The following SACS variants were observed in gnomAD, a reference collection of about 807,000 sequenced individuals.
The protein encoded by SACS is sacsin.
A neutral mutation model predicts 348.0 loss-of-function variants in SACS; 197 were observed. The ratio of observed to expected loss-of-function variants is 0.57; its 90% CI spans 0.50 to 0.64. SACS has a LOEUF of 0.64. SACS is among the 30% of genes least tolerant of loss of function. The pLI, the probability that SACS is intolerant of heterozygous loss-of-function variation, is 0.00. For missense variants in SACS, 4,999 were observed against 5,360.8 expected, an observed-to-expected ratio of 0.93 and a Z score of 2.11; for synonymous variants, 1,985 against 1,910.6, an observed-to-expected ratio of 1.04 and a Z score of -1.02.
At position 23,368,499 on chromosome 13, in the gene SACS, A is replaced by C; in HGVS notation, c.260-12T>G. The C allele has an allele frequency of 6.2e-7, 1 of 1,602,570 alleles. No homozygotes were observed. Among genetic ancestry groups the C allele is most frequent in the Non-Finnish European group, 8.5e-7 (1 of 1,171,234 alleles). ...CTGACCAAATCGACCTAAAATACGGAGCACATTTTAAGTGAGTTAGAAAAA... is the reference window on the plus strand; with the variant it reads ...CTGACCAAATCGACCTAAAATACGGCGCACATTTTAAGTGAGTTAGAAAAA... On this transcript the variant is annotated splice_polypyrimidine_tract_variant and intron_variant, in intron 4 of 9. Transcript: ENST00000382292.
At chr13:23,419,264 G>C (rs1000603932) in intron 1 of SACS, 7 of 152,618 alleles carry the variant, frequency 4.6e-5, no homozygotes, top group African/African-American at 1.2e-4. Context: ...CACAGAGCCA[G>C]CTAGTGGCAC....
chr13:23,424,951 G>A (rs1176211915), intron 1 of SACS, among the ~76,000 whole-genome samples: 1 of 152,208 alleles, frequency 6.6e-6, no homozygotes, highest in African/African-American at 2.4e-5. Flanking sequence ...ATGAAGATAT[G>A]GGTGAAGGAG....
chr13:23,376,939 T>C (rs1018461153), intron 2 of SACS, among the ~76,000 whole-genome samples: 2 of 152,144 alleles, frequency 1.3e-5, no homozygotes, highest in Non-Finnish European at 2.9e-5. Context: ...GGTTTTCTTG[T>C]TGGAAAAACT....
At chr13:23,433,477 C>G (rs982273679) in intron 1 of SACS, 138 bp downstream of exon 1, 2 of 152,700 alleles carry the variant, frequency 1.3e-5, no homozygotes, top group African/African-American at 2.4e-5. Flanking sequence ...CTTACCTCCC[C>G]CAAGCAGCTG....
chr13:23,398,378 T>C (rs1394426262), intron 2 of SACS, among the ~76,000 whole-genome samples: 1 of 149,460 alleles, frequency 6.7e-6, no homozygotes, highest in African/African-American at 2.5e-5. Context: ...ACTAAAAATA[T>C]AAAAAATTAG....
At chr13:23,375,295 TCGGGCTGCGGCTGCCACCCG>T in intron 2 of SACS, 26 bp from the exon 3 acceptor site, 1 of 1,410,842 alleles carries the variant, frequency 7.1e-7, no homozygotes, top group Non-Finnish European at 9.3e-7. Flanking sequence ...GGACGCTCAG[TCGGGCTGCGGCTGCCACCCG>T]CCCGCCCAGC....
chr13:23,363,429 G>A (rs1166689328), intron 6 of SACS, among the ~76,000 whole-genome samples: 1 of 140,524 alleles, frequency 7.1e-6, no homozygotes, highest in Non-Finnish European at 1.7e-5. Flanking sequence ...GTTTCAACAT[G>A]TTGGCCAGGC....
At chr13:23,378,879 A>G (rs986448506) in intron 2 of SACS, among the ~76,000 whole-genome samples, 3 of 152,238 alleles carry the variant, frequency 2.0e-5, no homozygotes, top group Admixed American at 1.3e-4. Context: ...AACTTATCAT[A>G]TAAACTTGTG....
intron 3 of SACS, 41 bp from the exon 4 acceptor site, chr13:23,371,206 T>TATTAGAGA: frequency 2.5e-6 from 3 of 1,223,420 alleles, no homozygotes; most frequent in Non-Finnish European, 2.3e-6. Context: ...AGCAATACAG[T>TATTAGAGA]CTCTAATACT....
chr13:23,335,941 C>A lies in SACS; in HGVS notation c.7935G>T (p.Leu2645=). 1.9e-6 allele frequency: 3 copies of A among 1,612,646 alleles called. 1 individual carries two copies. The highest frequency in any genetic ancestry group is 4.5e-5 in the East Asian group (2 of 44,860). The part of the protein sequence containing the change: ...CPSFISGNDI[L]CIFDPHARYA... ...ATCTGGCATGAGGATCAAAAATACACAGGATGTCATTGCCAGAAATAAAAG... is the reference window on the plus strand; with the variant it reads ...ATCTGGCATGAGGATCAAAAATACAAAGGATGTCATTGCCAGAAATAAAAG... Residue 2645 remains leucine (L), a synonymous_variant, in exon 10 of 10, where the codon CTG becomes CTT. Coordinates refer to ENST00000382292, the MANE Select transcript of SACS (RefSeq NM_014363.6). The surrounding 1 kb of genome is among the most constrained non-coding windows in gnomAD (Gnocchi z 4.7).
intron 6 of SACS, among the ~76,000 whole-genome samples, chr13:23,364,781 T>G (rs1050590301): frequency 2.6e-5 from 4 of 152,186 alleles, no homozygotes; most frequent in South Asian, 2.1e-4. Context: ...CCAAACAATG[T>G]CGAGGGTACT....
At chr13:23,364,906 G>A (rs1315852082) in intron 6 of SACS, among the ~76,000 whole-genome samples, 1 of 152,132 alleles carries the variant, frequency 6.6e-6, no homozygotes, top group Non-Finnish European at 1.5e-5. Flanking sequence ...TAAAATACAA[G>A]TTGTTTGAAT....
At position 23,334,168 on chromosome 13, in the gene SACS, G is replaced by A. The variant is rs770472413; in HGVS notation, c.9708C>T (p.Asp3236=). The A allele has an allele frequency of 6.2e-7, 1 of 1,613,824 alleles. No individual in the cohort carries two copies. Among genetic ancestry groups the A allele is most frequent in the African/African-American group, 1.3e-5 (1 of 75,024 alleles). ...YKTKSCTKWK[D]NFASESWLKN... is the part of the protein sequence containing the mutation. The stretch of plus-strand genomic sequence containing the variant: ...TAAGCCAAGACTCACTTGCAAAATT[G>A]TCTTTCCACTTTGTGCAACTTTTGG... The change falls in exon 10 of 10, where the codon GAC becomes GAT. Residue 3236 remains aspartate (D), a synonymous_variant. Coordinates refer to ENST00000382292, the MANE Select transcript of SACS (RefSeq NM_014363.6).
intron 2 of SACS, among the ~76,000 whole-genome samples, chr13:23,393,824 G>C (rs936334805): frequency 6.6e-6 from 1 of 151,932 alleles, no homozygotes; most frequent in Non-Finnish European, 1.5e-5. Context: ...GCAGTGGCAC[G>C]ATCTCGGCTC....
chr13:23,348,742 G>A (rs949549303), intron 9 of SACS, among the ~76,000 whole-genome samples: 2 of 152,114 alleles, frequency 1.3e-5, no homozygotes, highest in East Asian at 1.9e-4. Context: ...GCAAAGTAGA[G>A]GATGGAAAGA....
chr13:23,401,001 C>T (rs1187662753), intron 2 of SACS, among the ~76,000 whole-genome samples: 1 of 151,782 alleles, frequency 6.6e-6, no homozygotes, highest in East Asian at 1.9e-4. Context: ...AAAAAAGATA[C>T]CTAACCTTTG....
chr13:23,426,412 G>A (rs552514275), intron 1 of SACS, among the ~76,000 whole-genome samples: 5 of 152,248 alleles, frequency 3.3e-5, no homozygotes, highest in Admixed American at 1.3e-4. Context: ...AAGCCAAGGC[G>A]GGCAGATCAC....
At chr13:23,365,314 A>C in intron 5 of SACS, 37 bp from the exon 6 acceptor site, 1 of 1,166,426 alleles carries the variant, frequency 8.6e-7, no homozygotes. Context: ...GTAATTAATA[A>C]CACAGTAATC....
Position 23,340,199 on chromosome 13 carries a change from T to C in SACS, c.3677A>G (p.Lys1226Arg). 6.2e-7 allele frequency: 1 copy of C among 1,611,870 alleles called. No individual in the cohort carries two copies. The highest frequency in any genetic ancestry group is 8.5e-7 in the Non-Finnish European group (1 of 1,178,710). ...CCAATCAACAACAATTTTAAAGTGT[T>C]TTAAGACAGCACTAAGGCTAGGTTT... ...FTKPSLSAVL[K>R]HFKIVVDWYS... Residue 1226 changes from lysine (K) to arginine (R), a missense_variant, in exon 10 of 10, where the codon AAA (lysine) becomes AGA (arginine). Coordinates refer to ENST00000382292, the MANE Select transcript of SACS (RefSeq NM_014363.6).
Sources: allele counts gnomAD v4.1 joint callset (sites outside exome capture counted in the v4.1 genomes callset), GRCh38; gene constraint gnomAD v4.1.1; non-coding constraint Gnocchi (gnomAD v3.1); transcripts MANE v1.5; gene names NCBI Gene and HGNC (gene_info 2026-07-23, HGNC 2026-07-21).